The following LTBP4 variants were observed in gnomAD, a reference collection of about 807,000 sequenced individuals.
LTBP4 encodes the protein latent transforming growth factor beta binding protein 4, also known as latent-transforming growth factor beta-binding protein 4.
Under a neutral mutation model 180.2 loss-of-function variants are expected in LTBP4, and 93 were observed. The ratio of observed to expected loss-of-function variants is 0.52; its 90% confidence interval spans 0.44 to 0.61. The LOEUF is 0.61. Among genes scored for constraint, LTBP4 ranks in the 20% least tolerant of loss-of-function variants. The pLI is 0.00. For missense variants in LTBP4, 2,116 were observed against 2,256.5 expected, an observed-to-expected ratio of 0.94 and a Z score of 1.26; for synonymous variants, 947 against 934.5, an observed-to-expected ratio of 1.01 and a Z score of -0.24.
At chr19:40,623,500 ACTT>A in intron 24 of LTBP4, 101 bp from the exon 25 acceptor site, 8 of 1,378,352 alleles carry the variant, frequency 5.8e-6, no homozygotes, top group Non-Finnish European at 7.8e-6. Flanking sequence ...CCCTGTCTCT[ACTT>A]CTTGGTCTAT....
Position 40,609,786 on chromosome 19 carries a change from C to T in LTBP4, c.1599C>T (p.Pro533=), listed in dbSNP as rs767751664. 6.8e-6 allele frequency: 11 copies of T among 1,611,484 alleles called. No homozygotes were observed. Among genetic ancestry groups the T allele is most frequent in the Non-Finnish European group, 9.3e-6 (11 of 1,178,858 alleles). The change falls in exon 11 of 30, where the codon CCC becomes CCT. Residue 533 remains proline, a synonymous_variant. Transcript: ENST00000396819. The surrounding 1 kb of genome is among the most constrained non-coding windows in gnomAD (Gnocchi z 4.9). Reference sequence around the variant, plus strand: ...GCCGCGTGCCCCCGCCCTGTGCTCCCGGGCGCTGCGAGAACTCACCAGGCA... The same window carrying T: ...GCCGCGTGCCCCCGCCCTGTGCTCCTGGGCGCTGCGAGAACTCACCAGGCA... ...ECRRVPPPCA[P]GRCENSPGSF...
chr19:40,612,753 A>G (rs1038854728), intron 15 of LTBP4, among the ~76,000 whole-genome samples: 5 of 152,170 alleles, frequency 3.3e-5, no homozygotes, highest in African/African-American at 7.2e-5. Context: ...GCCGAATCCC[A>G]TCCAATGATC....
chr19:40,607,286 A>T, intron 6 of LTBP4, 79 bp from the exon 7 acceptor site: 1 of 324,254 alleles, frequency 3.1e-6, no homozygotes, highest in Non-Finnish European at 4.1e-6. Context: ...CCCCAGAACC[A>T]TTCCCCTCTC....
intron 7 of LTBP4, 149 bp from the exon 8 acceptor site, chr19:40,608,071 G>T: frequency 1.3e-6 from 1 of 784,278 alleles, no homozygotes; most frequent in South Asian, 1.6e-5. Flanking sequence ...TCTACTCTTT[G>T]GCCAGGACAC....
At chr19:40,598,821 G>C (rs2081405029), upstream of LTBP4, among the ~76,000 whole-genome samples, 1 of 152,214 alleles carries the variant, frequency 6.6e-6, no homozygotes, top group African/African-American at 2.4e-5. Flanking sequence ...CGGGATGTGC[G>C]GGAGGGCGGG....
Position 40,629,591 on chromosome 19 carries a change from G to T in LTBP4, c.*41G>T. The T allele has an allele frequency of 7.5e-7, 1 of 1,340,544 alleles. No individual in the cohort carries two copies. Among genetic ancestry groups the T allele is most frequent in the Non-Finnish European group, 9.5e-7 (1 of 1,047,992 alleles). 83.0% of individuals were successfully genotyped at this position (1,340,544 alleles called of 1,614,324 possible). A position where few individuals can be genotyped will look rare whatever the true frequency, so the allele number is the denominator to read the frequency against. ...GGCCGCCCACCCGCGCCCGCCACTC[G>T]GGGCCCCTGCCGCGCATCCTGCAGC... On this transcript the variant is annotated 3_prime_UTR_variant, in exon 30 of 30. Transcript: ENST00000396819. The surrounding 1 kb of genome is among the most constrained non-coding windows in gnomAD (Gnocchi z 4.5).
rs1052444573 is a variant in LTBP4, at chr19:40,610,641, C to T, written c.1794C>T (p.His598=). The T allele has an allele frequency of 3.2e-6, 5 of 1,582,600 alleles. No homozygotes were observed. The highest frequency in any genetic ancestry group is 2.3e-5 in the East Asian group (1 of 44,414). The change falls in exon 12 of 30, where the codon CAC becomes CAT. Residue 598 remains histidine, a synonymous_variant. Transcript: ENST00000396819. ...VCPAGYQAAP[H]GASCQDVDEC... ...CCGCCGGGTACCAGGCTGCACCGCACGGAGCCAGCTGCCAGGGTGAGGGCC... is the reference window on the plus strand; with the variant it reads ...CCGCCGGGTACCAGGCTGCACCGCATGGAGCCAGCTGCCAGGGTGAGGGCC...
intron 1 of LTBP4, chr19:40,593,200 G>C: frequency 1.9e-6 from 3 of 1,613,568 alleles, no homozygotes; most frequent in Non-Finnish European, 1.7e-6. Context: ...CTCTGAAACC[G>C]GGGTGTTCTG....
At chr19:40,626,824 C>T in intron 27 of LTBP4, 151 bp from the exon 28 acceptor site, 2 of 935,296 alleles carry the variant, frequency 2.1e-6, no homozygotes, top group East Asian at 3.0e-5. Context: ...CCAGTCTCAG[C>T]CTTCAGATTC....
chr19:40,618,327 T>G (rs1255607534), intron 21 of LTBP4, among the ~76,000 whole-genome samples: 6 of 151,776 alleles, frequency 4.0e-5, no homozygotes, highest in African/African-American at 1.5e-4. Flanking sequence ...TGGCATGATC[T>G]TGGCTCACTG....
exon 1 of LTBP4, chr19:40,593,179 A>T (rs1467686897): frequency 7.4e-6 from 12 of 1,613,938 alleles, no homozygotes; most frequent in Non-Finnish European, 1.0e-5. Flanking sequence ...GGAGACGTAA[A>T]AGGTGAGTGC....
chr19:40,601,504 C>T lies in LTBP4; in HGVS notation c.117C>T (p.Val39=), dbSNP rs767793409. ...GERLRVRFTP[V]VCGLRCVHGP... is the part of the protein sequence containing the mutation. ...GTCTCCGCGTGCGCTTCACCCCGGT[C>T]GTGTGCGGCCTGCGCTGCGTCCATG... is the stretch of plus-strand genomic sequence containing the variant. Residue 39 remains valine (V), a synonymous_variant, in exon 1 of 30, where the codon GTC becomes GTT. Coordinates refer to ENST00000396819, the MANE Select transcript of LTBP4 (RefSeq NM_001042545.2). 1.2e-5 allele frequency: 18 copies of T among 1,498,004 alleles called. No homozygotes were observed. The East Asian group carries it at 4.2e-4, about 35-fold the overall frequency. The allele number at this position is 1,498,004 out of a possible 1,614,324, so 92.8% of individuals were successfully genotyped here. A position where few individuals can be genotyped will look rare whatever the true frequency, so the allele number is the denominator to read the frequency against.
chr19:40,629,609 C>G lies in LTBP4; in HGVS notation c.*59C>G, dbSNP rs1362204630. The G allele has an allele frequency of 7.6e-7, 1 of 1,320,214 alleles. No homozygotes were observed. Among genetic ancestry groups the G allele is most frequent in the African/African-American group, 1.6e-5 (1 of 63,534 alleles). 81.8% of individuals were successfully genotyped at this position (1,320,214 alleles called of 1,614,324 possible). ...GCCACTCGGGGCCCCTGCCGCGCAT[C>G]CTGCAGCCCGCTTATGCGTATGTGC... is the stretch of plus-strand genomic sequence containing the variant. On this transcript the variant is annotated 3_prime_UTR_variant, in exon 30 of 30. Transcript: ENST00000396819. The surrounding 1 kb of genome is among the most constrained non-coding windows in gnomAD (Gnocchi z 4.5).
chr19:40,611,167 C>G lies in LTBP4; in HGVS notation c.1826C>G (p.Thr609Ser), dbSNP rs775127333. The change falls in exon 13 of 30, where the codon ACC (threonine) becomes AGC (serine). Residue 609 changes from threonine (T) to serine (S), a missense_variant. This residue lies in a region of LTBP4 where 877 missense variants were observed against 873.6 expected (regional missense o/e 1.00). Coordinates refer to ENST00000396819, the MANE Select transcript of LTBP4 (RefSeq NM_001042545.2). The surrounding 1 kb of genome is among the most constrained non-coding windows in gnomAD (Gnocchi z 4.4). ...GASCQDVDEC[T>S]QSPGLCGRGA... Reference sequence around the variant, plus strand: ...CCCTGTGCAGATGTGGATGAATGCACCCAGAGCCCAGGCCTGTGTGGCCGA... The same window carrying G: ...CCCTGTGCAGATGTGGATGAATGCAGCCAGAGCCCAGGCCTGTGTGGCCGA... 4 of 1,613,970 alleles carry G rather than the reference C, an allele frequency of 2.5e-6. No individual in the cohort carries two copies. The highest frequency in any genetic ancestry group is 1.7e-4 in the Middle Eastern group (1 of 6,054).
At chr19:40,610,375 C>T (rs933683255) in intron 11 of LTBP4, 157 bp from the exon 12 acceptor site, 11 of 817,470 alleles carry the variant, frequency 1.3e-5, no homozygotes, top group Admixed American at 8.2e-5. Context: ...ACAATTGCCT[C>T]TCTCACTGTG....
chr19:40,606,734 G>C lies in LTBP4; in HGVS notation c.991+208G>C, dbSNP rs371849285. Among the ~76,000 whole-genome samples, 389 of 152,164 alleles carry C rather than the reference G, an allele frequency of 2.6e-3. 2 individuals are homozygous for C. Among genetic ancestry groups the C allele is most frequent in the Admixed American group, 3.7e-3 (56 of 15,280 alleles). On this transcript the variant is annotated intron_variant, in intron 6 of 29. Coordinates refer to ENST00000396819, the MANE Select transcript of LTBP4 (RefSeq NM_001042545.2). ...AGACCTTTCAAGCCTTTTGGATCCA[G>C]ATCCCTCCAGACTCCCAGACTTTTT...
intron 21 of LTBP4, 27 bp from the exon 22 acceptor site, chr19:40,619,320 C>G: frequency 6.2e-7 from 1 of 1,608,222 alleles, no homozygotes; most frequent in African/African-American, 1.3e-5. Flanking sequence ...CACTGAGTCC[C>G]TCTCCCCTGT....
upstream of LTBP4, chr19:40,597,171 G>T (rs1375513760): frequency 1.6e-6 from 2 of 1,223,918 alleles, no homozygotes; most frequent in African/African-American, 1.6e-5. Context: ...CAGGGGCGGG[G>T]CCGGGGCTAG....
chr19:40,620,955 C>A (rs1191410890), intron 22 of LTBP4, among the ~76,000 whole-genome samples: 1 of 145,936 alleles, frequency 6.9e-6, no homozygotes, highest in African/African-American at 2.5e-5. Context: ...TTTTTTTTTT[C>A]TTTGAGACGG....
Sources: allele counts gnomAD v4.1 joint callset (sites outside exome capture counted in the v4.1 genomes callset), GRCh38; gene constraint gnomAD v4.1.1; regional missense constraint gnomAD v4.1.1; non-coding constraint Gnocchi (gnomAD v3.1); transcripts MANE v1.5; gene names NCBI Gene and HGNC (gene_info 2026-07-23, HGNC 2026-07-21).